The following EYS variants were observed in gnomAD, a reference collection of about 807,000 sequenced individuals.
EYS encodes the protein protein eyes shut homolog.
EYS carries 250 observed loss-of-function variants against 282.1 expected under a neutral mutation model. The ratio of observed to expected loss-of-function variants is 0.89; its 90% CI spans 0.80 to 0.98. The LOEUF is 0.98. Ranked by LOEUF, EYS falls within the 50% of genes least tolerant of loss-of-function variation. The pLI is 0.00. For synonymous variants in EYS, 1,355 were observed against 1,282.9 expected, an observed-to-expected ratio of 1.06 and a Z score of -1.20; for missense variants, 4,016 against 3,709.0, an observed-to-expected ratio of 1.08 and a Z score of -2.15.
intron 32 of EYS, among the ~76,000 whole-genome samples, chr6:64,067,535 C>T (rs2149856487): frequency 6.6e-6 from 1 of 152,246 alleles, no homozygotes; most frequent in South Asian, 2.1e-4. Flanking sequence ...AGTCCCAAAA[C>T]AGGTAATTAC....
chr6:63,987,873 T>C (rs910235510), intron 34 of EYS, among the ~76,000 whole-genome samples: 2 of 151,594 alleles, frequency 1.3e-5, no homozygotes, highest in Admixed American at 6.6e-5. Context: ...TGGATGTACT[T>C]TTAGAGAGCA....
chr6:65,148,961 C>A (rs1358253419), intron 12 of EYS, among the ~76,000 whole-genome samples: 1 of 152,060 alleles, frequency 6.6e-6, no homozygotes, highest in Non-Finnish European at 1.5e-5. Flanking sequence ...TGCAAGGAAC[C>A]ATGTCCTGAG....
intron 31 of EYS, among the ~76,000 whole-genome samples, chr6:64,135,469 A>G (rs1337927172): frequency 1.3e-5 from 2 of 152,074 alleles, no homozygotes; most frequent in African/African-American, 4.8e-5. Context: ...ACACTATAAC[A>G]CTATGGGGAT....
chr6:64,180,341 G>A (rs76952343), intron 31 of EYS, among the ~76,000 whole-genome samples: 5,294 of 152,192 alleles, frequency 0.035, 224 homozygotes, highest in African/African-American at 0.098. Flanking sequence ...TAAAGCCAAA[G>A]TTATTACTTT....
chr6:65,091,250 A>G (rs936702681), intron 12 of EYS, among the ~76,000 whole-genome samples: 10 of 144,762 alleles, frequency 6.9e-5, no homozygotes, highest in Non-Finnish European at 1.3e-4. Flanking sequence ...CCTGGCCAAC[A>G]TGGTGAAACC....
chr6:65,569,174 C>G (rs1322779939), intron 2 of EYS, among the ~76,000 whole-genome samples: 1 of 152,152 alleles, frequency 6.6e-6, no homozygotes, highest in Non-Finnish European at 1.5e-5. Context: ...CTTCTCCTGG[C>G]TCATCCCGGC....
At chr6:65,615,705 C>T (rs544285254) in intron 2 of EYS, among the ~76,000 whole-genome samples, 7 of 151,906 alleles carry the variant, frequency 4.6e-5, no homozygotes, top group Admixed American at 3.3e-4. Flanking sequence ...GAGGCCAAGG[C>T]GGGCAGATCA....
At position 65,108,351 on chromosome 6, in the gene EYS, G is replaced by A. The variant is rs888040912; in HGVS notation, c.2024-50624C>T. ...TCACTCCACTCGCTCAGGCTGGAGT[G>A]CAGTGGCTTGATCTTGGCTCACTGA... On this transcript the variant is annotated intron_variant, in intron 12 of 42. Transcript: ENST00000503581. Among the ~76,000 whole-genome samples the A allele has an allele frequency of 3.9e-5, 6 of 152,058 alleles. No individual in the cohort carries two copies. In the East Asian group the frequency reaches 7.7e-4, roughly 20 times the overall value.
At chr6:65,285,054 G>GA (rs560901186) in intron 12 of EYS, among the ~76,000 whole-genome samples, 1 of 151,216 alleles carries the variant, frequency 6.6e-6, no homozygotes, top group Non-Finnish European at 1.5e-5. Context: ...GGTCTTCCCT[G>GA]AAAAAAAAGA....
chr6:65,265,041 C>T (rs1356321424), intron 12 of EYS, among the ~76,000 whole-genome samples: 1 of 151,860 alleles, frequency 6.6e-6, no homozygotes, highest in Non-Finnish European at 1.5e-5. Context: ...TAGCCTACTC[C>T]ATATAAAATT....
At chr6:65,690,432 G>C (rs865810585) in intron 1 of EYS, among the ~76,000 whole-genome samples, 1 of 149,528 alleles carries the variant, frequency 6.7e-6, no homozygotes, top group Non-Finnish European at 1.5e-5. Flanking sequence ...CACAAGGGTC[G>C]CATTCCATTC....
At chr6:64,264,649 C>A (rs1281197256) in intron 30 of EYS, among the ~76,000 whole-genome samples, 1 of 152,096 alleles carries the variant, frequency 6.6e-6, no homozygotes, top group Non-Finnish European at 1.5e-5. Flanking sequence ...GTGGCTCATG[C>A]CTGTAATCCC....
intron 36 of EYS, among the ~76,000 whole-genome samples, chr6:63,841,480 A>G (rs1771957350): frequency 6.6e-6 from 1 of 152,176 alleles, no homozygotes; most frequent in Non-Finnish European, 1.5e-5. Context: ...ACTTTTGTGA[A>G]CTTTGGGATT....
chr6:64,266,785 A>G (rs980575085), intron 30 of EYS, among the ~76,000 whole-genome samples: 7 of 152,138 alleles, frequency 4.6e-5, no homozygotes, highest in Admixed American at 6.6e-5. Context: ...GGCTAACCCT[A>G]AGTTCTTAAC....
At chr6:65,668,356 C>A (rs556974743) in intron 1 of EYS, among the ~76,000 whole-genome samples, 8 of 151,910 alleles carry the variant, frequency 5.3e-5, no homozygotes, top group Admixed American at 2.0e-4. Flanking sequence ...TAGGCAATAA[C>A]CTTGCACCTC....
chr6:65,627,251 AAGAG>A lies in EYS; in HGVS notation c.-333+12523_-333+12526del, dbSNP rs201317491. On this transcript the variant is annotated intron_variant, in intron 2 of 42. Coordinates refer to ENST00000503581, the MANE Select transcript of EYS (RefSeq NM_001142800.2). ...AAAACTGTCACTTGTGATACCATGA[AAGAG>A]AGAAAATATCCCAGTGAACTTGTAG... 7.1e-3 allele frequency among the ~76,000 whole-genome samples: 1,084 copies of A among 152,346 alleles called. 10 individuals are homozygous for A. Among genetic ancestry groups the A allele is most frequent in the African/African-American group, 0.023 (955 of 41,582 alleles).
intron 41 of EYS, among the ~76,000 whole-genome samples, chr6:63,754,720 C>T (rs1769433061): frequency 6.6e-6 from 1 of 152,134 alleles, no homozygotes; most frequent in South Asian, 2.1e-4. Flanking sequence ...AATGGGATTG[C>T]TGGGTCAAAT....
In EYS at chr6:64,659,481, A is replaced by G. The variant is rs574518927; in HGVS notation, c.3444-33236T>C. Among the ~76,000 whole-genome samples the G allele has an allele frequency of 4.1e-3, 620 of 152,036 alleles. 2 individuals carry two copies. The highest frequency in any genetic ancestry group is 0.014 in the African/African-American group (589 of 41,500). On this transcript the variant is annotated intron_variant, in intron 22 of 42. Transcript: ENST00000503581. ...TTGAAAAGATCAACAAAATTGATAG[A>G]CCTTTAGCAAGACTAATAAAGAAGA...
chr6:64,784,661 C>CTTG (rs572939735), intron 22 of EYS, among the ~76,000 whole-genome samples: 62 of 151,944 alleles, frequency 4.1e-4, no homozygotes, highest in African/African-American at 9.4e-4. Flanking sequence ...TATATTACTG[C>CTTG]TTGTTGTTGT....
Sources: allele counts gnomAD v4.1 joint callset (sites outside exome capture counted in the v4.1 genomes callset), GRCh38; gene constraint gnomAD v4.1.1; transcripts MANE v1.5; gene names NCBI Gene and HGNC (gene_info 2026-07-23, HGNC 2026-07-21).